GSE1: variants seen among roughly 807,000 people sequenced by gnomAD.
GSE1 encodes genetic suppressor element 1.
In GSE1, 32 loss-of-function variants were observed where a neutral mutation model predicts 112.6. That is an observed-to-expected ratio of 0.28 (90% CI 0.21 to 0.38). GSE1 has a LOEUF of 0.38. Ranked by LOEUF, GSE1 falls within the 10% of genes least tolerant of loss-of-function variation. The probability of loss-of-function intolerance (pLI) is 1.00; values close to 1 mark genes in which losing one functional copy is unlikely to be tolerated. For synonymous variants in GSE1, 1,115 were observed against 735.6 expected (o/e 1.52, Z -8.35); for missense variants, 2,348 against 1,699.2 (o/e 1.38, Z -6.71).
At chr16:85,278,325 C>T (rs939700913) in intron 1 of GSE1, among the ~76,000 whole-genome samples, 2 of 152,244 alleles carry the variant, frequency 1.3e-5, no homozygotes, top group Admixed American at 1.3e-4. Flanking sequence ...TCCCTCTCCA[C>T]ACATGCCTGA....
upstream of GSE1, among the ~76,000 whole-genome samples, chr16:85,612,792 C>CT (rs2048078374): frequency 6.6e-6 from 1 of 152,202 alleles, no homozygotes; most frequent in Non-Finnish European, 1.5e-5. Context: ...CTCCAAAAGG[C>CT]CTCCAGGACA....
chr16:85,202,878 C>A (rs577260630), intron 1 of GSE1, among the ~76,000 whole-genome samples: 1 of 152,316 alleles, frequency 6.6e-6, no homozygotes, highest in East Asian at 1.9e-4. Context: ...TGGAGACAGG[C>A]TGTGGGCCTC....
chr16:85,181,726 C>T (rs1457431665), intron 1 of GSE1, among the ~76,000 whole-genome samples: 1 of 152,116 alleles, frequency 6.6e-6, no homozygotes, highest in African/African-American at 2.4e-5. Context: ...TGGCGTGGGG[C>T]CTCCACACTT....
At chr16:85,658,513 G>C (rs1421822822) in intron 8 of GSE1, among the ~76,000 whole-genome samples, 2 of 152,206 alleles carry the variant, frequency 1.3e-5, no homozygotes, top group African/African-American at 4.8e-5. Flanking sequence ...CGTGTTGGTG[G>C]TTTAAAATCT....
chr16:85,346,611 G>GATGA (rs1338436916), intron 1 of GSE1, among the ~76,000 whole-genome samples: 3 of 148,422 alleles, frequency 2.0e-5, no homozygotes, highest in Non-Finnish European at 4.4e-5. Context: ...GTGGATGATG[G>GATGA]ATGGATGGAT....
intron 1 of GSE1, among the ~76,000 whole-genome samples, chr16:85,300,675 T>C (rs528581872): frequency 1.3e-5 from 2 of 152,362 alleles, no homozygotes; most frequent in East Asian, 3.9e-4. Context: ...ACGTTTTGTG[T>C]GTCCTTTCGT....
At chr16:85,503,327 G>A (rs1473803074) in intron 2 of GSE1, among the ~76,000 whole-genome samples, 1 of 152,200 alleles carries the variant, frequency 6.6e-6, no homozygotes, top group African/African-American at 2.4e-5. Flanking sequence ...AGGGAAGGGT[G>A]TGGGCAGGTG....
chr16:85,348,521 C>T (rs981308240), intron 1 of GSE1, among the ~76,000 whole-genome samples: 1 of 152,186 alleles, frequency 6.6e-6, no homozygotes, highest in African/African-American at 2.4e-5. Flanking sequence ...GCCCCTTTGT[C>T]CACTTGATCT....
chr16:85,215,511 A>C (rs978698394), intron 1 of GSE1, among the ~76,000 whole-genome samples: 1 of 152,238 alleles, frequency 6.6e-6, no homozygotes, highest in Non-Finnish European at 1.5e-5. Flanking sequence ...TGTATAACTC[A>C]TTCATGCAAC....
At chr16:85,617,065 G>A (rs962375570) in intron 1 of GSE1, among the ~76,000 whole-genome samples, 2 of 152,174 alleles carry the variant, frequency 1.3e-5, no homozygotes, top group Non-Finnish European at 2.9e-5. Context: ...CGCCACTCCT[G>A]CGTTTGGCCA....
chr16:85,291,466 C>G (rs1182103831), intron 1 of GSE1, among the ~76,000 whole-genome samples: 1 of 152,236 alleles, frequency 6.6e-6, no homozygotes, highest in Non-Finnish European at 1.5e-5. Context: ...GCCGCCCTCC[C>G]CAGCCTCCTC....
intron 1 of GSE1, among the ~76,000 whole-genome samples, chr16:85,280,197 C>T (rs2044816369): frequency 6.6e-6 from 1 of 152,120 alleles, no homozygotes; most frequent in Non-Finnish European, 1.5e-5. Flanking sequence ...GTAGGAAGGC[C>T]CTGGCCCAGG....
rs185063390 is a variant in GSE1, at chr16:85,280,850, G to C, written c.2284-76613G>C. Among the ~76,000 whole-genome samples, 52 of 152,276 alleles carry C rather than the reference G, an allele frequency of 3.4e-4. 1 individual carries two copies. The highest frequency in any genetic ancestry group is 1.2e-3 in the African/African-American group (48 of 41,574). On this transcript the variant is annotated intron_variant, in intron 1 of 2. Transcript: ENST00000637419. ...TTGTGTTACTGTGTCTGATTTCTTAGAAAGCCAGTGCAAGGAGAAGCAGAG... is the reference window on the plus strand; with the variant it reads ...TTGTGTTACTGTGTCTGATTTCTTACAAAGCCAGTGCAAGGAGAAGCAGAG...
intron 1 of GSE1, among the ~76,000 whole-genome samples, chr16:85,273,798 T>C (rs1909087225): frequency 6.6e-6 from 1 of 151,784 alleles, no homozygotes; most frequent in African/African-American, 2.4e-5. Flanking sequence ...CAAGTGATTC[T>C]CCTGCCTCAG....
At chr16:85,234,864 G>T (rs1904430028) in intron 1 of GSE1, among the ~76,000 whole-genome samples, 1 of 152,298 alleles carries the variant, frequency 6.6e-6, no homozygotes, top group South Asian at 2.1e-4. Flanking sequence ...GGATTAGAAG[G>T]CATCTGGCTC....
At chr16:85,289,303 G>A (rs547488494) in intron 1 of GSE1, among the ~76,000 whole-genome samples, 1 of 152,206 alleles carries the variant, frequency 6.6e-6, no homozygotes, top group East Asian at 1.9e-4. Context: ...TCCCAGGCCC[G>A]AGAGGCTGGC....
intron 1 of GSE1, among the ~76,000 whole-genome samples, chr16:85,620,212 G>A (rs916683441): frequency 1.8e-4 from 28 of 152,296 alleles, no homozygotes; most frequent in African/African-American, 6.5e-4. Flanking sequence ...CTTGAGCCCC[G>A]GAGCTCGAGG....
chr16:85,221,110 TC>T (rs1327654579), intron 1 of GSE1, among the ~76,000 whole-genome samples: 1 of 151,660 alleles, frequency 6.6e-6, no homozygotes, highest in Non-Finnish European at 1.5e-5. Flanking sequence ...CGACCAGACC[TC>T]CGAGGTCAAG....
intron 1 of GSE1, among the ~76,000 whole-genome samples, chr16:85,182,282 C>G (rs1238046733): frequency 1.3e-5 from 2 of 152,192 alleles, no homozygotes; most frequent in Non-Finnish European, 2.9e-5. Flanking sequence ...CTGGTGGACC[C>G]CAGGGCGTGC....
Sources: gnomAD v4.1 joint callset for allele counts (sites outside exome capture counted in the v4.1 genomes callset) on GRCh38, gnomAD v4.1.1 for gene constraint, MANE v1.5 for transcripts, NCBI Gene and HGNC (gene_info 2026-07-23, HGNC 2026-07-21) for gene names.